HECW2: variants seen among roughly 807,000 people sequenced by gnomAD.
HECW2 encodes E3 ubiquitin-protein ligase HECW2.
In HECW2, 61 loss-of-function variants were observed where a neutral mutation model predicts 175.2. The ratio of observed to expected loss-of-function variants is 0.35; its 90% confidence interval spans 0.28 to 0.43. The LOEUF (loss-of-function observed/expected upper bound fraction) is 0.43. Among genes scored for constraint, HECW2 ranks in the 20% least tolerant of loss-of-function variants. The pLI is 1.00. For synonymous variants in HECW2, 671 were observed against 731.0 expected, an observed-to-expected ratio of 0.92 and a Z score of 1.32; for missense variants, 1,524 against 2,000.5, an observed-to-expected ratio of 0.76 and a Z score of 4.54.
chr2:196,529,777 C>A (rs1688783037), intron 1 of HECW2, among the ~76,000 whole-genome samples: 1 of 152,220 alleles, frequency 6.6e-6, no homozygotes, highest in South Asian at 2.1e-4. Flanking sequence ...TGTCTGGCCA[C>A]CTGGCCCACT....
intron 1 of HECW2, among the ~76,000 whole-genome samples, chr2:196,443,207 A>T (rs1268429578): frequency 6.6e-6 from 1 of 152,202 alleles, no homozygotes; most frequent in Non-Finnish European, 1.5e-5. Context: ...GGGAGAAGTG[A>T]TTCCTCAAAA....
chr2:196,498,280 G>C (rs116672043), intron 1 of HECW2, among the ~76,000 whole-genome samples: 1,858 of 152,150 alleles, frequency 0.012, 44 homozygotes, highest in African/African-American at 0.043. Context: ...AAAATTTCCA[G>C]CATGTCATTT....
chr2:196,423,398 G>A (rs938077899), intron 2 of HECW2, among the ~76,000 whole-genome samples: 9 of 151,986 alleles, frequency 5.9e-5, no homozygotes, highest in African/African-American at 1.9e-4. Flanking sequence ...TAACTATAGC[G>A]CCTGTGATCT....
chr2:196,587,822 G>T (rs1691040788), intron 1 of HECW2, among the ~76,000 whole-genome samples: 1 of 151,992 alleles, frequency 6.6e-6, no homozygotes. Flanking sequence ...TAATTAAATG[G>T]CCTATCTCAA....
intron 5 of HECW2, among the ~76,000 whole-genome samples, chr2:196,328,430 A>G (rs1287517308): frequency 6.6e-6 from 1 of 152,214 alleles, no homozygotes; most frequent in African/African-American, 2.4e-5. Flanking sequence ...GAAGCCAAGC[A>G]AAAAAGCAAG....
intron 2 of HECW2, among the ~76,000 whole-genome samples, chr2:196,414,593 C>A (rs1489212057): frequency 6.6e-6 from 1 of 152,130 alleles, no homozygotes; most frequent in Non-Finnish European, 1.5e-5. Context: ...TGCAAATTCC[C>A]CTGAGGTGGT....
intron 14 of HECW2, among the ~76,000 whole-genome samples, chr2:196,285,657 A>C (rs565937081): frequency 6.6e-6 from 1 of 152,340 alleles, no homozygotes; most frequent in African/African-American, 2.4e-5. Flanking sequence ...GTTATAAGGA[A>C]TAAACATGCT....
At chr2:196,578,292 A>T (rs1181490226) in intron 1 of HECW2, among the ~76,000 whole-genome samples, 1 of 152,154 alleles carries the variant, frequency 6.6e-6, no homozygotes, top group East Asian at 1.9e-4. Flanking sequence ...GTACTTGAAG[A>T]TATATCAACT....
chr2:196,322,454 T>C lies in HECW2; in HGVS notation c.884+24A>G, dbSNP rs772783785. On this transcript the variant is annotated intron_variant, in intron 7 of 28. Transcript: ENST00000644978. Reference sequence around the variant, plus strand: ...CCTATATGAACTAATCTCAACAAGATCCCCAAAGGTAAGGGCTGATTACCC... The same window carrying C: ...CCTATATGAACTAATCTCAACAAGACCCCCAAAGGTAAGGGCTGATTACCC... 34 of 1,597,512 alleles carry C rather than the reference T, an allele frequency of 2.1e-5. No homozygotes were observed. In the South Asian group the frequency reaches 3.9e-4, roughly 18 times the overall value.
chr2:196,274,216 A>G, intron 15 of HECW2, 93 bp from the exon 16 acceptor site: 1 of 820,716 alleles, frequency 1.2e-6, no homozygotes, highest in South Asian at 1.5e-5. Context: ...ATTAACAATG[A>G]GCATAGTGAA....
chr2:196,539,904 T>C (rs978243908), intron 1 of HECW2, among the ~76,000 whole-genome samples: 20 of 152,216 alleles, frequency 1.3e-4, no homozygotes, highest in African/African-American at 4.3e-4. Context: ...TGTTTAATTA[T>C]AGAGAATTCC....
intron 13 of HECW2, among the ~76,000 whole-genome samples, chr2:196,305,140 A>G (rs1460126737): frequency 6.6e-6 from 1 of 152,186 alleles, no homozygotes; most frequent in Non-Finnish European, 1.5e-5. Flanking sequence ...TTATGACATT[A>G]TAATTGCTCT....
In HECW2 at chr2:196,319,827, C is replaced by T. The variant is rs1691873718; in HGVS notation, c.1063G>A (p.Glu355Lys). The T allele has an allele frequency of 6.2e-7, 1 of 1,614,068 alleles. No homozygotes were observed. The highest frequency in any genetic ancestry group is 8.5e-7 in the Non-Finnish European group (1 of 1,180,028). Residue 355 changes from glutamate to lysine, a missense_variant, in exon 9 of 29, where the codon GAG becomes AAG. Transcript: ENST00000644978. ...TCGTGATGGCTCCCTGGCATGTCCT[C>T]GTCATCGGAAGGGCTACCTAAGTCT... ...NGDLGSPSDD[E>K]DMPGSHHDSQ... is the part of the protein sequence containing the mutation.
Position 196,318,866 on chromosome 2 carries a change from G to A in HECW2, c.2024C>T (p.Ser675Phe), listed in dbSNP as rs766740363. The A allele has an allele frequency of 6.4e-7, 1 of 1,552,830 alleles. No individual in the cohort carries two copies. The highest frequency in any genetic ancestry group is 8.7e-7 in the Non-Finnish European group (1 of 1,149,596). ...SARFPETPAF[S>F]SQEEEDGACA... Reference sequence around the variant, plus strand: ...GGCTCCGTCTTCCTCCTCCTGAGAAGAAAAGGCTGGGGTTTCAGGAAACCG... The same window carrying A: ...GGCTCCGTCTTCCTCCTCCTGAGAAAAAAAGGCTGGGGTTTCAGGAAACCG... The change falls in exon 9 of 29, where the codon TCT (serine) becomes TTT (phenylalanine). Residue 675 changes from serine to phenylalanine, a missense_variant. By Grantham distance (155) the Ser-to-Phe change is radical (BLOSUM62 -2). This residue lies in a region of HECW2 where 604 missense variants were observed against 588.3 expected (regional missense o/e 1.03). Transcript: ENST00000644978.
chr2:196,227,132 T>TA (rs768105136), intron 22 of HECW2, among the ~76,000 whole-genome samples: 2 of 152,166 alleles, frequency 1.3e-5, no homozygotes, highest in Non-Finnish European at 2.9e-5. Context: ...AGCACAACTG[T>TA]AATAGTCACA....
rs556544321 is a variant in HECW2 at position 196,299,667 on chromosome 2, C to T, written c.2814+6821G>A. On this transcript the variant is annotated intron_variant, in intron 13 of 28. Transcript: ENST00000644978. ...GCCTTGGGCCTGGCGCAGTGGCTCA[C>T]GCCTGTAATCCCAGCACTTTGGGAG... Among the ~76,000 whole-genome samples, 13 of 152,306 alleles carry T rather than the reference C, an allele frequency of 8.5e-5. No homozygotes were observed. The South Asian group carries it at 1.0e-3, about 12-fold the overall frequency.
chr2:196,206,345 A>G (rs1687066778), intron 28 of HECW2, among the ~76,000 whole-genome samples: 1 of 152,258 alleles, frequency 6.6e-6, no homozygotes, highest in African/African-American at 2.4e-5. Context: ...CTGACTTAAT[A>G]GATCTCTTGG....
intron 10 of HECW2, among the ~76,000 whole-genome samples, chr2:196,314,604 T>A (rs562588468): frequency 1.1e-4 from 16 of 152,346 alleles, no homozygotes; most frequent in Middle Eastern, 6.8e-3. Context: ...TCAGATTAGC[T>A]GACTTCTGTG....
intron 28 of HECW2, among the ~76,000 whole-genome samples, chr2:196,205,980 A>G (rs184608406): frequency 1.1e-3 from 164 of 152,304 alleles, no homozygotes; most frequent in Non-Finnish European, 1.9e-4. Flanking sequence ...AACTTGCTCT[A>G]TGAGCCAAGG....
Sources: gnomAD v4.1 joint callset for allele counts (sites outside exome capture counted in the v4.1 genomes callset) on GRCh38, gnomAD v4.1.1 for gene constraint, gnomAD v4.1.1 regional missense constraint, MANE v1.5 for transcripts, NCBI Gene and HGNC (gene_info 2026-07-23, HGNC 2026-07-21) for gene names.